AGBL4: variants seen among roughly 807,000 people sequenced by gnomAD.
The protein encoded by AGBL4 is cytosolic carboxypeptidase 6.
A neutral mutation model predicts 66.4 loss-of-function variants in AGBL4; 58 were observed. That is an observed-to-expected ratio of 0.87 (90% CI 0.71 to 1.09). The LOEUF is 1.09. Among genes scored for constraint, AGBL4 ranks in the 50% least tolerant of loss-of-function variants. AGBL4 has a pLI of 0.00. For missense variants in AGBL4, 579 were observed against 631.0 expected, an observed-to-expected ratio of 0.92 and a Z score of 0.88; for synonymous variants, 234 against 222.9, an observed-to-expected ratio of 1.05 and a Z score of -0.44.
chr1:49,893,529 C>T (rs1182496284), intron 1 of AGBL4, among the ~76,000 whole-genome samples: 1 of 152,156 alleles, frequency 6.6e-6, no homozygotes, highest in Non-Finnish European at 1.5e-5. Context: ...GCCGCATTCA[C>T]CATAAACAGA....
chr1:48,590,884 C>T lies in AGBL4; in HGVS notation c.1053G>A (p.Arg351=), dbSNP rs201161334. The T allele has an allele frequency of 1.0e-4, 164 of 1,607,174 alleles. 1 individual carries two copies. The African/African-American group carries it at 1.8e-3, about 17-fold the overall frequency. Residue 351 remains arginine (R), a synonymous_variant, in exon 10 of 14, where the codon AGG becomes AGA. Transcript: ENST00000371839. ...AGAGGAGCTTGGGAAAAATGGCCTG[C>T]CTCTGGAACCGTTCCTCATCCTCAA... ...NIFEDEERFQ[R]QAIFPKLLCQ... is the part of the protein sequence containing the mutation.
chr1:49,763,684 C>T (rs1432909022), intron 2 of AGBL4, among the ~76,000 whole-genome samples: 1 of 152,196 alleles, frequency 6.6e-6, no homozygotes, highest in Non-Finnish European at 1.5e-5. Flanking sequence ...CTTTGCAATT[C>T]TGGGCACAGG....
rs559679315 is a variant in AGBL4 at position 48,782,224 on chromosome 1, A to G, written c.634+84967T>C. ...CCCGACTCTCTTTTTCTGTGGGCCA[A>G]ATGTGCTTTGCCTTTCATCCAAGTC... On this transcript the variant is annotated intron_variant, in intron 6 of 13. Transcript: ENST00000371839. 1.3e-3 allele frequency among the ~76,000 whole-genome samples: 205 copies of G among 152,316 alleles called. 1 individual carries two copies. Among genetic ancestry groups the G allele is most frequent in the African/African-American group, 4.7e-3 (196 of 41,574 alleles).
intron 4 of AGBL4, among the ~76,000 whole-genome samples, chr1:49,054,011 A>C (rs1644266427): frequency 6.6e-6 from 1 of 152,162 alleles, no homozygotes; most frequent in South Asian, 2.1e-4. Flanking sequence ...CATAGAAGAA[A>C]TATGATTGAA....
intron 3 of AGBL4, among the ~76,000 whole-genome samples, chr1:49,403,352 A>G (rs948126899): frequency 6.6e-6 from 1 of 151,750 alleles, no homozygotes; most frequent in African/African-American, 2.4e-5. Context: ...TTTTTAGTCT[A>G]TGTGTGTCTT....
At chr1:49,714,605 CAT>C (rs1374793185) in intron 2 of AGBL4, among the ~76,000 whole-genome samples, 34 of 143,814 alleles carry the variant, frequency 2.4e-4, no homozygotes, top group South Asian at 1.5e-3. Flanking sequence ...CACACACACA[CAT>C]ATATATATAT....
Position 48,533,559 on chromosome 1 carries a change from G to A in AGBL4, c.*614C>T, listed in dbSNP as rs1220999031. Reference sequence around the variant, plus strand: ...AAACTACCGAGGAAATTGGGAAACAGCTCTCAAAACAGTTTTCTAAATCTG... The same window carrying A: ...AAACTACCGAGGAAATTGGGAAACAACTCTCAAAACAGTTTTCTAAATCTG... On this transcript the variant is annotated 3_prime_UTR_variant, in exon 14 of 14. Transcript: ENST00000371839. 1 of 152,542 alleles carries A rather than the reference G, an allele frequency of 6.6e-6. No individual in the cohort carries two copies. The highest frequency in any genetic ancestry group is 1.5e-5 in the Non-Finnish European group (1 of 68,380). 9.4% of individuals were successfully genotyped at this position (152,542 alleles called of 1,614,324 possible).
intron 3 of AGBL4, among the ~76,000 whole-genome samples, chr1:49,573,246 G>C (rs1644370099): frequency 6.6e-6 from 1 of 151,418 alleles, no homozygotes; most frequent in African/African-American, 2.4e-5. Context: ...TTAGTACCAG[G>C]AGAGGTTCTA....
intron 3 of AGBL4, among the ~76,000 whole-genome samples, chr1:49,348,096 C>T (rs1645672506): frequency 6.6e-6 from 1 of 151,784 alleles, no homozygotes; most frequent in African/African-American, 2.4e-5. Context: ...TTTGAGTGGG[C>T]CCTAAACGCA....
intron 6 of AGBL4, among the ~76,000 whole-genome samples, chr1:48,808,017 T>A (rs1046359281): frequency 1.3e-5 from 2 of 152,242 alleles, no homozygotes; most frequent in Admixed American, 6.5e-5. Context: ...TTCATTAATA[T>A]ATTCGTTTAG....
At chr1:48,577,706 G>A (rs943343069) in intron 11 of AGBL4, among the ~76,000 whole-genome samples, 2 of 151,958 alleles carry the variant, frequency 1.3e-5, no homozygotes, top group African/African-American at 2.4e-5. Flanking sequence ...CAGAGAGAGA[G>A]TCTGGGCAGC....
intron 4 of AGBL4, among the ~76,000 whole-genome samples, chr1:49,108,456 T>A (rs1645341136): frequency 6.6e-6 from 1 of 152,138 alleles, no homozygotes; most frequent in African/African-American, 2.4e-5. Context: ...AATCTCTGTT[T>A]AATGAGAGCA....
At chr1:49,640,195 T>A (rs1252872089) in intron 3 of AGBL4, among the ~76,000 whole-genome samples, 1 of 152,190 alleles carries the variant, frequency 6.6e-6, no homozygotes, top group Non-Finnish European at 1.5e-5. Context: ...AAATGAAGCT[T>A]TACTCATTAG....
intron 1 of AGBL4, among the ~76,000 whole-genome samples, chr1:49,910,794 G>A (rs1355439300): frequency 6.6e-6 from 1 of 152,128 alleles, no homozygotes; most frequent in African/African-American, 2.4e-5. Flanking sequence ...TAGGCAACAC[G>A]GTGAAAACCC....
chr1:49,823,597 G>A (rs909730110), intron 2 of AGBL4, among the ~76,000 whole-genome samples: 3 of 152,134 alleles, frequency 2.0e-5, no homozygotes, highest in Non-Finnish European at 2.9e-5. Context: ...AATGTCCCAA[G>A]CTGCTGAAGA....
intron 4 of AGBL4, among the ~76,000 whole-genome samples, chr1:49,098,368 A>G (rs1645144136): frequency 6.6e-6 from 1 of 152,214 alleles, no homozygotes; most frequent in Non-Finnish European, 1.5e-5. Flanking sequence ...ATCAAACTGG[A>G]CATAGAAGAC....
intron 4 of AGBL4, among the ~76,000 whole-genome samples, chr1:49,171,766 C>T (rs1646742389): frequency 6.6e-6 from 1 of 152,148 alleles, no homozygotes; most frequent in South Asian, 2.1e-4. Flanking sequence ...ACTTTTTCCT[C>T]TGTGCCCACG....
At chr1:49,935,507 A>G (rs375293502) in intron 1 of AGBL4, among the ~76,000 whole-genome samples, 13 of 152,192 alleles carry the variant, frequency 8.5e-5, no homozygotes, top group Admixed American at 6.5e-4. Flanking sequence ...GCAGCTGGAG[A>G]TCTGAGAACG....
Position 49,926,414 on chromosome 1 carries a change from C to T in AGBL4, c.35-74896G>A, listed in dbSNP as rs565205248. Among the ~76,000 whole-genome samples, 42 of 152,170 alleles carry T rather than the reference C, an allele frequency of 2.8e-4. 1 individual carries two copies. The South Asian group carries it at 5.2e-3, about 19-fold the overall frequency. On this transcript the variant is annotated intron_variant, in intron 1 of 13. Transcript: ENST00000371839. ...CCTTTGAATACCTGAAAAGCCTTCC[C>T]AAAAAGGAGGAGTACAAATAAGCCA...
Sources: gnomAD v4.1 joint callset for allele counts (sites outside exome capture counted in the v4.1 genomes callset) on GRCh38, gnomAD v4.1.1 for gene constraint, MANE v1.5 for transcripts, NCBI Gene and HGNC (gene_info 2026-07-23, HGNC 2026-07-21) for gene names.